ARHGAP26: variants seen among roughly 807,000 people sequenced by gnomAD.
ARHGAP26 encodes the protein rho GTPase-activating protein 26.
In ARHGAP26, 38 loss-of-function variants were observed where a neutral mutation model predicts 104.8. The observed-to-expected ratio is 0.36, with a 90% confidence interval of 0.28 to 0.48. ARHGAP26 has a LOEUF of 0.48. Among genes scored for constraint, ARHGAP26 ranks in the 20% least tolerant of loss-of-function variants. ARHGAP26 has a pLI of 0.99. For synonymous variants in ARHGAP26, 341 were observed against 340.0 expected (o/e 1.00, Z -0.03); for missense variants, 704 against 947.9 (o/e 0.74, Z 3.38).
intron 12 of ARHGAP26, among the ~76,000 whole-genome samples, chr5:143,031,856 C>A (rs1000776689): frequency 2.0e-5 from 3 of 152,000 alleles, no homozygotes; most frequent in Non-Finnish European, 4.4e-5. Context: ...ATAAGAAAAT[C>A]ATTTGATTGT....
intron 17 of ARHGAP26, among the ~76,000 whole-genome samples, chr5:143,116,892 T>C (rs1162467199): frequency 6.6e-6 from 1 of 152,198 alleles, no homozygotes; most frequent in Non-Finnish European, 1.5e-5. Flanking sequence ...CCTGAAGTCA[T>C]GCCCCTCGGG....
At chr5:142,902,717 CTGGAGGTTA>C (rs1359175631) in intron 7 of ARHGAP26, among the ~76,000 whole-genome samples, 2 of 152,288 alleles carry the variant, frequency 1.3e-5, no homozygotes, top group African/African-American at 4.8e-5. Flanking sequence ...TTTTAGAAGC[CTGGAGGTTA>C]CATAGTAGTC....
intron 19 of ARHGAP26, among the ~76,000 whole-genome samples, chr5:143,140,019 G>T (rs571506775): frequency 6.6e-6 from 1 of 152,176 alleles, no homozygotes; most frequent in Non-Finnish European, 1.5e-5. Flanking sequence ...GTTGAAATGC[G>T]TTTCTTGGAA....
chr5:142,974,890 C>T (rs947163765), intron 11 of ARHGAP26, among the ~76,000 whole-genome samples: 7 of 152,188 alleles, frequency 4.6e-5, no homozygotes, highest in Non-Finnish European at 8.8e-5. Context: ...GCTAGCCTCC[C>T]TTGTTCCACA....
chr5:143,035,750 A>T (rs542326548), intron 12 of ARHGAP26, among the ~76,000 whole-genome samples: 4 of 152,084 alleles, frequency 2.6e-5, no homozygotes, highest in Non-Finnish European at 5.9e-5. Context: ...AGCCTGGCCA[A>T]CATGGTGAAA....
intron 1 of ARHGAP26, among the ~76,000 whole-genome samples, chr5:142,867,368 T>C (rs1179776472): frequency 6.6e-6 from 1 of 151,856 alleles, no homozygotes; most frequent in East Asian, 1.9e-4. Flanking sequence ...GAGTCTGGGC[T>C]GCAGAATGGT....
At chr5:142,889,392 C>G (rs1758171079) in intron 5 of ARHGAP26, among the ~76,000 whole-genome samples, 1 of 152,058 alleles carries the variant, frequency 6.6e-6, no homozygotes, top group Admixed American at 6.5e-5. Context: ...GCGGGTGGAT[C>G]ACTTGAGGTC....
At chr5:143,070,108 T>G (rs1598882854) in intron 17 of ARHGAP26, among the ~76,000 whole-genome samples, 2 of 152,158 alleles carry the variant, frequency 1.3e-5, no homozygotes, top group South Asian at 2.1e-4. Context: ...CAGGCAAATG[T>G]GGGGGGGTTC....
At chr5:143,144,848 A>ACC (rs1263563316) in intron 19 of ARHGAP26, among the ~76,000 whole-genome samples, 1 of 152,228 alleles carries the variant, frequency 6.6e-6, no homozygotes, top group African/African-American at 2.4e-5. Flanking sequence ...CTGCCTACTT[A>ACC]CCGTCAGTAA....
chr5:143,055,275 G>A (rs1562339131), intron 15 of ARHGAP26, among the ~76,000 whole-genome samples: 2 of 152,162 alleles, frequency 1.3e-5, no homozygotes, highest in Admixed American at 6.5e-5. Context: ...GGAATTGGCT[G>A]GAAAGCAAAG....
At chr5:143,161,158 C>A (rs982634642) in intron 20 of ARHGAP26, among the ~76,000 whole-genome samples, 2 of 151,866 alleles carry the variant, frequency 1.3e-5, no homozygotes, top group African/African-American at 4.8e-5. Context: ...ATTACAGGCA[C>A]GCAGCACCAC....
rs987142157 is a variant in ARHGAP26 at position 143,223,371 on chromosome 5, G to A, written c.*925G>A. On this transcript the variant is annotated 3_prime_UTR_variant, in exon 23 of 23. Transcript: ENST00000645722. Reference sequence around the variant, plus strand: ...CTTTCTGATTAATTTCAGCAGCATCGGAATATATTTGGAGCACACCCTAGT... The same window carrying A: ...CTTTCTGATTAATTTCAGCAGCATCAGAATATATTTGGAGCACACCCTAGT... 1.3e-5 allele frequency: 3 copies of A among 232,426 alleles called. No individual in the cohort carries two copies. Among genetic ancestry groups the A allele is most frequent in the African/African-American group, 2.2e-5 (1 of 45,240 alleles). 14.4% of individuals were successfully genotyped at this position (232,426 alleles called of 1,614,324 possible). A position where few individuals can be genotyped will look rare whatever the true frequency, so the allele number is the denominator to read the frequency against.
intron 11 of ARHGAP26, among the ~76,000 whole-genome samples, chr5:142,982,011 C>G (rs931441175): frequency 2.0e-5 from 3 of 152,210 alleles, no homozygotes; most frequent in African/African-American, 4.8e-5. Context: ...TCCATTTGAC[C>G]TCAAGCTGCT....
At chr5:143,076,024 A>C (rs1299508237) in intron 17 of ARHGAP26, among the ~76,000 whole-genome samples, 1 of 151,864 alleles carries the variant, frequency 6.6e-6, no homozygotes, top group Non-Finnish European at 1.5e-5. Flanking sequence ...TTTTGAAACA[A>C]GCTCTCACTC....
At chr5:143,098,106 A>G in intron 17 of ARHGAP26, among the ~76,000 whole-genome samples, 1 of 152,128 alleles carries the variant, frequency 6.6e-6, no homozygotes, top group East Asian at 1.9e-4. Flanking sequence ...CTACTTGAGA[A>G]CCTAATTAAA....
At chr5:142,946,382 C>T (rs1048743417) in intron 11 of ARHGAP26, among the ~76,000 whole-genome samples, 1 of 152,166 alleles carries the variant, frequency 6.6e-6, no homozygotes, top group African/African-American at 2.4e-5. Flanking sequence ...GTTACATTGA[C>T]CCTCTTTCAG....
At chr5:143,036,268 A>C (rs1782627356) in intron 12 of ARHGAP26, among the ~76,000 whole-genome samples, 1 of 152,174 alleles carries the variant, frequency 6.6e-6, no homozygotes. Flanking sequence ...TCAAAGATGA[A>C]CCCATTCTTA....
chr5:142,977,444 C>T (rs909263914), intron 11 of ARHGAP26, among the ~76,000 whole-genome samples: 1 of 152,006 alleles, frequency 6.6e-6, no homozygotes, highest in African/African-American at 2.4e-5. Context: ...GTGGAAGAAT[C>T]CTGTTTTGAA....
At chr5:142,817,171 C>T (rs1765296972) in intron 1 of ARHGAP26, among the ~76,000 whole-genome samples, 2 of 151,970 alleles carry the variant, frequency 1.3e-5, no homozygotes, top group African/African-American at 4.8e-5. Context: ...TAGTTCTCTC[C>T]CCAGTGCCAG....
Sources: gnomAD v4.1 joint callset for allele counts (sites outside exome capture counted in the v4.1 genomes callset) on GRCh38, gnomAD v4.1.1 for gene constraint, MANE v1.5 for transcripts, NCBI Gene and HGNC (gene_info 2026-07-23, HGNC 2026-07-21) for gene names.